Variants in FTO observed in about 807,000 individuals in gnomAD.
The protein encoded by FTO is alpha-ketoglutarate-dependent dioxygenase FTO.
FTO carries 47 observed loss-of-function variants against 63.9 expected under a neutral mutation model. The observed-to-expected ratio is 0.74, with a 90% CI of 0.58 to 0.94. FTO has a LOEUF of 0.94. FTO is among the 40% of genes least tolerant of loss of function. The probability of loss-of-function intolerance (pLI) is 0.00; values close to 1 mark genes in which losing one functional copy is unlikely to be tolerated. For missense variants in FTO, 562 were observed against 618.1 expected, an observed-to-expected ratio of 0.91 and a Z score of 0.96; for synonymous variants, 207 against 224.4, an observed-to-expected ratio of 0.92 and a Z score of 0.69.
intron 8 of FTO, among the ~76,000 whole-genome samples, chr16:54,082,014 G>A (rs1231494559): frequency 2.0e-5 from 3 of 152,146 alleles, no homozygotes; most frequent in East Asian, 3.8e-4. Context: ...CTACCGCCCC[G>A]TCAGACAGGG....
chr16:53,893,298 T>C (rs769926608), intron 7 of FTO, among the ~76,000 whole-genome samples: 58 of 152,188 alleles, frequency 3.8e-4, no homozygotes, highest in Non-Finnish European at 7.2e-4. Flanking sequence ...TATTTTAATT[T>C]TTTTAAAACC....
At chr16:53,876,693 G>A (rs28510437) in intron 5 of FTO, among the ~76,000 whole-genome samples, 16,552 of 152,216 alleles carry the variant, frequency 0.11, 1,849 homozygotes, top group African/African-American at 0.28. Flanking sequence ...TTAGGAGGCC[G>A]AGGTGAGTGG....
At chr16:53,829,126 G>A (rs2079082569) in intron 3 of FTO, among the ~76,000 whole-genome samples, 1 of 152,108 alleles carries the variant, frequency 6.6e-6, no homozygotes. Context: ...TCCTGACCTC[G>A]TGATCTGCAT....
At chr16:54,059,816 G>A (rs1352167354) in intron 8 of FTO, among the ~76,000 whole-genome samples, 5 of 152,208 alleles carry the variant, frequency 3.3e-5, no homozygotes, top group African/African-American at 1.2e-4. Context: ...GTTGACAGTT[G>A]TAAAGTTAAT....
intron 8 of FTO, among the ~76,000 whole-genome samples, chr16:54,052,827 G>A (rs2085343434): frequency 6.6e-6 from 1 of 152,084 alleles, no homozygotes; most frequent in African/African-American, 2.4e-5. Context: ...AGCCTCCTGA[G>A]TAGCTGGGAC....
intron 1 of FTO, among the ~76,000 whole-genome samples, chr16:53,739,750 T>G (rs183921544): frequency 1.7e-3 from 260 of 152,318 alleles, no homozygotes; most frequent in African/African-American, 5.8e-3. Context: ...TCTGTGTTTT[T>G]TTTTAATCAT....
At chr16:53,887,974 A>G (rs2081045097) in intron 6 of FTO, 1 of 152,112 alleles carries the variant, frequency 6.6e-6, no homozygotes, top group South Asian at 2.1e-4. Context: ...TTCCTAATAT[A>G]TATTGGTGTT....
chr16:54,076,533 T>G (rs1205632386), intron 8 of FTO, among the ~76,000 whole-genome samples: 1 of 152,208 alleles, frequency 6.6e-6, no homozygotes, highest in Non-Finnish European at 1.5e-5. Flanking sequence ...TCTGTGACAG[T>G]CAGTGTCTTT....
At chr16:54,092,014 T>C (rs1193544445) in intron 8 of FTO, among the ~76,000 whole-genome samples, 2 of 152,230 alleles carry the variant, frequency 1.3e-5, no homozygotes, top group Non-Finnish European at 2.9e-5. Context: ...CTATAGCTTA[T>C]GCCTGTAATC....
chr16:53,893,239 A>G (rs1297693038), intron 7 of FTO, among the ~76,000 whole-genome samples: 2 of 152,098 alleles, frequency 1.3e-5, no homozygotes, highest in Non-Finnish European at 2.9e-5. Flanking sequence ...TTTGCTCCCT[A>G]TTGAGGATGG....
Position 53,938,954 on chromosome 16 carries a change from C to T in FTO, c.1364+4845C>T, listed in dbSNP as rs546888577. ...AATACAAAAAAAAAAAAAAATTAGC[C>T]GGGCTTGGTGGCGGGTGCCTGTAGT... On this transcript the variant is annotated intron_variant, in intron 8 of 8. Coordinates refer to ENST00000471389, the MANE Select transcript of FTO (RefSeq NM_001080432.3). 6.7e-3 allele frequency among the ~76,000 whole-genome samples: 1,015 copies of T among 151,740 alleles called. 6 individuals carry two copies. The highest frequency in any genetic ancestry group is 0.017 in the African/African-American group (723 of 41,348).
At chr16:53,722,920 G>C (rs140265697) in intron 1 of FTO, among the ~76,000 whole-genome samples, 1 of 152,252 alleles carries the variant, frequency 6.6e-6, no homozygotes, top group East Asian at 1.9e-4. Flanking sequence ...ATAGATTTTG[G>C]TGGCTCTTTA....
chr16:53,740,085 A>T (rs2076495380), intron 1 of FTO, among the ~76,000 whole-genome samples: 1 of 152,220 alleles, frequency 6.6e-6, no homozygotes, highest in South Asian at 2.1e-4. Flanking sequence ...CTTCCTTGTT[A>T]TTCTGACATG....
intron 3 of FTO, among the ~76,000 whole-genome samples, chr16:53,841,536 CCT>C (rs1347106434): frequency 6.6e-6 from 1 of 152,158 alleles, no homozygotes; most frequent in Non-Finnish European, 1.5e-5. Context: ...TAGCAGCATT[CCT>C]TCCTTGCAGA....
chr16:54,089,454 C>T (rs566243137), intron 8 of FTO, among the ~76,000 whole-genome samples: 3 of 152,178 alleles, frequency 2.0e-5, no homozygotes, highest in Admixed American at 1.3e-4. Context: ...GTCTTTCATT[C>T]TATACTGAGC....
At chr16:54,041,341 C>T (rs543742024) in intron 8 of FTO, among the ~76,000 whole-genome samples, 1 of 152,180 alleles carries the variant, frequency 6.6e-6, no homozygotes, top group Admixed American at 6.5e-5. Context: ...ACGAGAACAG[C>T]ATGGGGGAAA....
intron 1 of FTO, among the ~76,000 whole-genome samples, chr16:53,796,078 T>TGGAGTCC (rs2078063086): frequency 6.7e-6 from 1 of 149,306 alleles, no homozygotes; most frequent in African/African-American, 2.5e-5. Flanking sequence ...AGACGGAGTC[T>TGGAGTCC]CACTCTGTTG....
rs139814987 is a variant in FTO at position 53,873,830 on chromosome 16, C to A, written c.940C>A (p.Gln314Lys). The change falls in exon 5 of 9, where the codon CAA becomes AAA. Residue 314 changes from glutamine (Q) to lysine (K), a missense_variant. Coordinates refer to ENST00000471389, the MANE Select transcript of FTO (RefSeq NM_001080432.3). Reference sequence around the variant, plus strand: ...CCAACACTGTGTTTTGGCCGGTTCACAACCTCGGTTTAGTTCCACCCACCG... The same window carrying A: ...CCAACACTGTGTTTTGGCCGGTTCAAAACCTCGGTTTAGTTCCACCCACCG... Reference protein sequence around the residue: ...THQHCVLAGSQPRFSSTHRVA... With the variant: ...THQHCVLAGSKPRFSSTHRVA... 19 of 1,612,982 alleles carry A rather than the reference C, an allele frequency of 1.2e-5. No homozygotes were observed. The highest frequency in any genetic ancestry group is 1.6e-5 in the Non-Finnish European group (19 of 1,179,292).
At chr16:54,071,632 G>A (rs2085873483) in intron 8 of FTO, 1 of 152,164 alleles carries the variant, frequency 6.6e-6, no homozygotes, top group Admixed American at 6.5e-5. Context: ...TAGCCAGTAA[G>A]GCTAAAAGAG....
Sources: allele counts gnomAD v4.1 joint callset (sites outside exome capture counted in the v4.1 genomes callset), GRCh38; gene constraint gnomAD v4.1.1; transcripts MANE v1.5; gene names NCBI Gene and HGNC (gene_info 2026-07-23, HGNC 2026-07-21).